NKAIN2: variants seen among roughly 807,000 people sequenced by gnomAD.
NKAIN2 encodes the protein sodium/potassium-transporting ATPase subunit beta-1-interacting protein 2.
A neutral mutation model predicts 32.6 loss-of-function variants in NKAIN2; 14 were observed. That is an observed-to-expected ratio of 0.43 (90% CI 0.28 to 0.67). The LOEUF (loss-of-function observed/expected upper bound fraction) is 0.67, where lower values mean the gene tolerates loss of function less well. Ranked by LOEUF, NKAIN2 falls within the 30% of genes least tolerant of loss-of-function variation. The pLI, the probability that NKAIN2 is intolerant of heterozygous loss-of-function variation, is 0.17. For synonymous variants in NKAIN2, 80 were observed against 87.2 expected (o/e 0.92, Z 0.46); for missense variants, 198 against 258.3 (o/e 0.77, Z 1.60).
At chr6:124,718,479 G>A (rs1185714337) in intron 4 of NKAIN2, among the ~76,000 whole-genome samples, 1 of 152,182 alleles carries the variant, frequency 6.6e-6, no homozygotes, top group Non-Finnish European at 1.5e-5. Context: ...CTGTTCACCA[G>A]TTGATGGTCA....
At chr6:124,043,444 A>G (rs1042448532) in intron 1 of NKAIN2, among the ~76,000 whole-genome samples, 1 of 152,114 alleles carries the variant, frequency 6.6e-6, no homozygotes, top group Non-Finnish European at 1.5e-5. Flanking sequence ...GTCCTACCCT[A>G]TATGACAGTG....
At chr6:124,399,606 C>A (rs1773542432) in intron 3 of NKAIN2, among the ~76,000 whole-genome samples, 1 of 152,272 alleles carries the variant, frequency 6.6e-6, no homozygotes, top group African/African-American at 2.4e-5. Flanking sequence ...GTCAGGCAGG[C>A]AGAACATTCC....
chr6:124,257,779 TC>T (rs1467652167), intron 1 of NKAIN2, among the ~76,000 whole-genome samples: 19 of 127,422 alleles, frequency 1.5e-4, no homozygotes, highest in Non-Finnish European at 2.9e-4. Flanking sequence ...TTTTTTCTTT[TC>T]TTTTTTTTTT....
intron 1 of NKAIN2, among the ~76,000 whole-genome samples, chr6:124,232,395 A>T (rs1245297431): frequency 6.6e-6 from 1 of 152,226 alleles, no homozygotes; most frequent in Non-Finnish European, 1.5e-5. Flanking sequence ...GAACCTGGAC[A>T]GAGAACAAGC....
chr6:124,698,595 C>A (rs1195133442), intron 4 of NKAIN2, among the ~76,000 whole-genome samples: 2 of 152,192 alleles, frequency 1.3e-5, no homozygotes, highest in Non-Finnish European at 2.9e-5. Flanking sequence ...GACTTACAAT[C>A]TTGCAGGATA....
chr6:124,417,191 A>G (rs1366943702), intron 3 of NKAIN2, among the ~76,000 whole-genome samples: 1 of 152,238 alleles, frequency 6.6e-6, no homozygotes, highest in Non-Finnish European at 1.5e-5. Context: ...TCCATGACAA[A>G]GTGCTTTAAC....
chr6:124,330,735 G>C lies in NKAIN2; in HGVS notation c.193-24532G>C, dbSNP rs920218226. ...AACCCCGGGGCTATGGACTGGTACT[G>C]GTCTGTGGCTTGTTAGAAATTGGGC... On this transcript the variant is annotated intron_variant, in intron 2 of 6. Transcript: ENST00000368417. Among the ~76,000 whole-genome samples, 4 of 152,290 alleles carry C rather than the reference G, an allele frequency of 2.6e-5. No homozygotes were observed. In the South Asian group the frequency reaches 6.2e-4, roughly 24 times the overall value.
chr6:123,990,181 G>A (rs140454886), intron 1 of NKAIN2, among the ~76,000 whole-genome samples: 45 of 152,276 alleles, frequency 3.0e-4, no homozygotes, highest in African/African-American at 8.2e-4. Context: ...AACCACCCCC[G>A]TGATCCAGTT....
intron 1 of NKAIN2, among the ~76,000 whole-genome samples, chr6:124,023,776 T>C (rs1780979515): frequency 6.6e-6 from 1 of 152,206 alleles, no homozygotes; most frequent in Non-Finnish European, 1.5e-5. Context: ...TGTATATTCA[T>C]ATTACATTTT....
chr6:124,604,072 C>T (rs541409147), intron 3 of NKAIN2, among the ~76,000 whole-genome samples: 8 of 152,008 alleles, frequency 5.3e-5, no homozygotes, highest in South Asian at 4.1e-4. Context: ...AGCTTTCTCC[C>T]GGAGGGCTAG....
intron 1 of NKAIN2, among the ~76,000 whole-genome samples, chr6:124,278,159 A>G (rs980462276): frequency 6.6e-6 from 1 of 152,166 alleles, no homozygotes; most frequent in Non-Finnish European, 1.5e-5. Flanking sequence ...GTTCAAGTGC[A>G]TGTAATTTTC....
At chr6:124,051,498 A>C (rs1261422185) in intron 1 of NKAIN2, among the ~76,000 whole-genome samples, 1 of 151,972 alleles carries the variant, frequency 6.6e-6, no homozygotes, top group Non-Finnish European at 1.5e-5. Context: ...ATATGTATAA[A>C]TGTGCCATGT....
At chr6:124,287,354 T>G (rs554396439) in intron 2 of NKAIN2, among the ~76,000 whole-genome samples, 1 of 152,192 alleles carries the variant, frequency 6.6e-6, no homozygotes, top group Non-Finnish European at 1.5e-5. Context: ...CACAAAAAAG[T>G]ATGTGGACAT....
intron 1 of NKAIN2, among the ~76,000 whole-genome samples, chr6:124,066,294 A>T (rs932966597): frequency 5.9e-5 from 9 of 152,056 alleles, no homozygotes; most frequent in Non-Finnish European, 1.3e-4. Flanking sequence ...TGATAATTAC[A>T]TTCATATTTC....
intron 5 of NKAIN2, among the ~76,000 whole-genome samples, chr6:124,816,665 C>A (rs1444431390): frequency 6.6e-6 from 1 of 152,142 alleles, no homozygotes; most frequent in East Asian, 1.9e-4. Context: ...CTTTATGTTA[C>A]TTTGCACCCT....
At chr6:124,672,760 A>G (rs1211452800) in intron 4 of NKAIN2, among the ~76,000 whole-genome samples, 2 of 152,070 alleles carry the variant, frequency 1.3e-5, no homozygotes, top group Admixed American at 1.3e-4. Flanking sequence ...AGGATTCAAC[A>G]TCTCAGATTA....
chr6:123,985,045 G>A (rs186645813), intron 1 of NKAIN2, among the ~76,000 whole-genome samples: 10 of 152,142 alleles, frequency 6.6e-5, no homozygotes, highest in East Asian at 1.9e-4. Flanking sequence ...GCAAATAAAC[G>A]TACAGGTGAG....
At chr6:124,171,034 GT>G (rs761924890) in intron 1 of NKAIN2, among the ~76,000 whole-genome samples, 3 of 151,124 alleles carry the variant, frequency 2.0e-5, no homozygotes, top group African/African-American at 2.4e-5. Context: ...AATTGTGAAG[GT>G]TTTTTTTTAG....
chr6:124,555,713 CA>C (rs1313011057), intron 3 of NKAIN2, among the ~76,000 whole-genome samples: 1 of 152,048 alleles, frequency 6.6e-6, no homozygotes, highest in Non-Finnish European at 1.5e-5. Flanking sequence ...CAGTAAAATA[CA>C]AAAAATATAT....
Sources: gnomAD v4.1 joint callset for allele counts (sites outside exome capture counted in the v4.1 genomes callset) on GRCh38, gnomAD v4.1.1 for gene constraint, MANE v1.5 for transcripts, NCBI Gene and HGNC (gene_info 2026-07-23, HGNC 2026-07-21) for gene names.